The following TEX11 variants were observed in gnomAD, a reference collection of about 807,000 sequenced individuals.
The protein encoded by TEX11 is testis-expressed protein 11.
In TEX11, 7 loss-of-function variants were observed where a neutral mutation model predicts 84.4. The ratio of observed to expected loss-of-function variants is 0.08; its 90% CI spans 0.05 to 0.16. TEX11 has a LOEUF of 0.16. Ranked by LOEUF, TEX11 falls within the 10% of genes least tolerant of loss-of-function variation. The pLI is 1.00. For synonymous variants in TEX11, 264 were observed against 222.8 expected, an observed-to-expected ratio of 1.18 and a Z score of -1.64; for missense variants, 551 against 660.5, an observed-to-expected ratio of 0.83 and a Z score of 1.82.
intron 9 of TEX11, among the ~76,000 whole-genome samples, chrX:70,746,801 A>T (rs2090770668): frequency 1.8e-5 from 2 of 112,376 alleles, no homozygotes; most frequent in Non-Finnish European, 3.8e-5. Context: ...AGAATCAGGG[A>T]AACAGCCAAG....
chrX:70,637,592 C>A, intron 17 of TEX11, among the ~76,000 whole-genome samples: 1 of 106,954 alleles, frequency 9.3e-6, no homozygotes, highest in East Asian at 2.9e-4. Flanking sequence ...TACAAAGGAA[C>A]AAGACCACGT....
chrX:70,840,530 A>G (rs1486822382), intron 7 of TEX11, among the ~76,000 whole-genome samples: 5 of 112,191 alleles, frequency 4.5e-5, no homozygotes, highest in Non-Finnish European at 9.4e-5. Flanking sequence ...AAAACATACC[A>G]AATTGTAAAC....
At chrX:70,905,536 C>T (rs1230932862) in intron 2 of TEX11, among the ~76,000 whole-genome samples, 2 of 111,470 alleles carry the variant, frequency 1.8e-5, no homozygotes, top group African/African-American at 6.5e-5. Context: ...AAAACATTTT[C>T]TTGCCATGAG....
intron 5 of TEX11, 75 bp downstream of exon 5, chrX:70,860,782 A>G: frequency 1.4e-6 from 1 of 719,552 alleles, no homozygotes; most frequent in Non-Finnish European, 2.1e-6. Context: ...TTCCAGTTTC[A>G]CACTAACTTT....
At chrX:70,649,150 C>T (rs1448996857) in intron 17 of TEX11, among the ~76,000 whole-genome samples, 2 of 111,960 alleles carry the variant, frequency 1.8e-5, no homozygotes, top group Non-Finnish European at 3.8e-5. Context: ...CATGTCTTTG[C>T]TATTGTGAAT....
the TEX11 span, among the ~76,000 whole-genome samples, chrX:70,523,574 C>T: frequency 9.0e-6 from 1 of 110,717 alleles, no homozygotes; most frequent in Non-Finnish European, 1.9e-5. Flanking sequence ...CACCATTCTC[C>T]TGCCTCAGCC....
intron 2 of TEX11, among the ~76,000 whole-genome samples, chrX:70,884,070 A>G (rs894363567): frequency 8.9e-6 from 1 of 112,456 alleles, no homozygotes; most frequent in Non-Finnish European, 1.9e-5. Context: ...AGAAATGACA[A>G]TAAAATTAAC....
intron 25 of TEX11, among the ~76,000 whole-genome samples, chrX:70,560,576 T>G (rs746769145): frequency 4.5e-5 from 5 of 112,006 alleles, no homozygotes; most frequent in South Asian, 7.5e-4. Context: ...ATCTGTGGCT[T>G]GTCTTTTTCT....
chrX:70,731,111 C>A (rs1429062151), intron 11 of TEX11, among the ~76,000 whole-genome samples: 1 of 111,790 alleles, frequency 8.9e-6, no homozygotes, highest in African/African-American at 3.3e-5. Context: ...CCAATGAGAA[C>A]AAAGACGCAA....
intron 8 of TEX11, among the ~76,000 whole-genome samples, chrX:70,813,199 A>G (rs760512939): frequency 2.7e-5 from 3 of 112,201 alleles, no homozygotes; most frequent in South Asian, 7.4e-4. Flanking sequence ...AAAATCCTCA[A>G]TAAAATACTG....
chrX:70,801,921 C>T (rs1005976580), intron 9 of TEX11, among the ~76,000 whole-genome samples: 1 of 111,106 alleles, frequency 9.0e-6, no homozygotes, highest in Non-Finnish European at 1.9e-5. Context: ...AATTAGAATA[C>T]TATTATTTTA....
At chrX:70,656,593 C>T (rs999601306) in intron 16 of TEX11, among the ~76,000 whole-genome samples, 1 of 111,161 alleles carries the variant, frequency 9.0e-6, no homozygotes, top group East Asian at 2.8e-4. Flanking sequence ...TATCCCGAGG[C>T]ATTAAGAAAC....
In TEX11 at chrX:70,788,089, C is replaced by T. The variant is rs1199088256; in HGVS notation, c.692+18616G>A. On this transcript the variant is annotated intron_variant, in intron 9 of 29. Transcript: ENST00000374333. ...CATATTGTTACAATATCCATACTAC[C>T]AAAAGTGATATGCAGATTCAATGCA... Among the ~76,000 whole-genome samples the T allele has an allele frequency of 3.6e-5, 4 of 110,989 alleles. No individual in the cohort carries two copies. In the Admixed American group the frequency reaches 3.8e-4, roughly 11 times the overall value.
At chrX:70,616,572 C>T (rs1486570452) in intron 20 of TEX11, among the ~76,000 whole-genome samples, 3 of 111,651 alleles carry the variant, frequency 2.7e-5, no homozygotes, top group Non-Finnish European at 5.7e-5. Context: ...TATGTGCACT[C>T]CCATGTTTGT....
chrX:70,703,474 C>T, intron 13 of TEX11, among the ~76,000 whole-genome samples: 1 of 111,186 alleles, frequency 9.0e-6, no homozygotes, highest in South Asian at 3.9e-4. Context: ...CAGTATACTA[C>T]TTCCGTTATA....
chrX:70,908,521 A>G (rs1274156906), intron 1 of TEX11, 133 bp downstream of exon 1: 1 of 112,411 alleles, frequency 8.9e-6, no homozygotes, highest in Non-Finnish European at 1.9e-5. Context: ...TCTGTAGTAC[A>G]AAGTCACTGC....
chrX:70,717,382 G>A (rs1415043530), intron 13 of TEX11, among the ~76,000 whole-genome samples: 9 of 107,419 alleles, frequency 8.4e-5, no homozygotes, highest in Non-Finnish European at 1.3e-4. Context: ...GCAATGGCGC[G>A]ATCTTGGCTC....
chrX:70,758,858 A>G lies in TEX11; in HGVS notation c.693-14639T>C, dbSNP rs765049739. ...GGTTTCTTGAAAATCAACAAAATAG[A>G]TAGACTGCTAGCAAGACTAATAAAG... On this transcript the variant is annotated intron_variant, in intron 9 of 29. Coordinates refer to ENST00000374333, the MANE Select transcript of TEX11 (RefSeq NM_031276.3). Among the ~76,000 whole-genome samples, 6 of 111,701 alleles carry G rather than the reference A, an allele frequency of 5.4e-5. No individual in the cohort carries two copies. In the South Asian group the frequency reaches 2.3e-3, roughly 42 times the overall value.
intron 13 of TEX11, among the ~76,000 whole-genome samples, chrX:70,713,388 T>G (rs1365132769): frequency 9.0e-6 from 1 of 111,724 alleles, no homozygotes; most frequent in Non-Finnish European, 1.9e-5. Flanking sequence ...CCTTGTACCT[T>G]TGGTAGAATT....
Sources: gnomAD v4.1 joint callset for allele counts (sites outside exome capture counted in the v4.1 genomes callset) on GRCh38, gnomAD v4.1.1 for gene constraint, MANE v1.5 for transcripts, NCBI Gene and HGNC (gene_info 2026-07-23, HGNC 2026-07-21) for gene names.